The following MAST4 variants were observed in gnomAD, a reference collection of about 807,000 sequenced individuals.
The protein encoded by MAST4 is microtubule associated serine/threonine kinase family member 4.
MAST4 carries 89 observed loss-of-function variants against 162.7 expected under a neutral mutation model. The observed-to-expected ratio is 0.55, with a 90% CI of 0.46 to 0.65. The LOEUF (loss-of-function observed/expected upper bound fraction) is 0.65, where lower values mean the gene tolerates loss of function less well. Ranked by LOEUF, MAST4 falls within the 30% of genes least tolerant of loss-of-function variation. MAST4 has a pLI of 0.00. For missense variants in MAST4, 3,153 were observed against 3,374.0 expected, an observed-to-expected ratio of 0.93 and a Z score of 1.62; for synonymous variants, 1,479 against 1,361.1, an observed-to-expected ratio of 1.09 and a Z score of -1.91.
At chr5:66,801,285 C>A (rs1020855298) in intron 3 of MAST4, among the ~76,000 whole-genome samples, 1 of 152,006 alleles carries the variant, frequency 6.6e-6, no homozygotes, top group African/African-American at 2.4e-5. Flanking sequence ...CGGTTGCCAC[C>A]ATCACCGAGA....
intron 1 of MAST4, among the ~76,000 whole-genome samples, chr5:66,694,419 C>T (rs1234607023): frequency 6.6e-6 from 1 of 152,150 alleles, no homozygotes; most frequent in South Asian, 2.1e-4. Context: ...AGCTACTGTT[C>T]TTTCTCCTTT....
chr5:66,870,230 A>G (rs916638624), intron 3 of MAST4, among the ~76,000 whole-genome samples: 1 of 152,184 alleles, frequency 6.6e-6, no homozygotes, highest in Non-Finnish European at 1.5e-5. Flanking sequence ...ATTTAGGGGC[A>G]TAGTTTTTGG....
chr5:67,026,422 AG>A (rs1191627656), intron 4 of MAST4, among the ~76,000 whole-genome samples: 1 of 152,242 alleles, frequency 6.6e-6, no homozygotes, highest in African/African-American at 2.4e-5. Flanking sequence ...ATTTGGGTAC[AG>A]ACTCACAGCC....
At chr5:66,789,678 T>C in intron 3 of MAST4, 1 of 516,854 alleles carries the variant, frequency 1.9e-6, no homozygotes, top group Non-Finnish European at 3.9e-6. Context: ...TGCCCCTCTC[T>C]GTGATGTTAA....
At chr5:66,892,036 G>A (rs530743661) in intron 3 of MAST4, among the ~76,000 whole-genome samples, 120 of 152,254 alleles carry the variant, frequency 7.9e-4, no homozygotes, top group Non-Finnish European at 8.7e-4. Flanking sequence ...TAGCTCTCTC[G>A]GACAAGGGAG....
At chr5:66,995,159 GA>G (rs1750488098) in intron 4 of MAST4, among the ~76,000 whole-genome samples, 1 of 108,270 alleles carries the variant, frequency 9.2e-6, no homozygotes, top group Non-Finnish European at 2.2e-5. Flanking sequence ...GAGTAGGAAA[GA>G]CTTCTTTTTA....
chr5:67,028,350 T>G lies in MAST4; in HGVS notation c.675-26054T>G, dbSNP rs556453059. Among the ~76,000 whole-genome samples the G allele has an allele frequency of 4.6e-4, 70 of 152,178 alleles. No individual in the cohort carries two copies. In the South Asian group the frequency reaches 0.014, roughly 30 times the overall value. ...TTCCATTAGAGTGGCAAACAGGAAA[T>G]GTACTCTGAGGGTAGGAGGTGCCAC... On this transcript the variant is annotated intron_variant, in intron 4 of 28. Transcript: ENST00000403625.
intron 1 of MAST4, among the ~76,000 whole-genome samples, chr5:66,612,704 T>C (rs1182754910): frequency 1.3e-5 from 2 of 152,206 alleles, no homozygotes; most frequent in African/African-American, 4.8e-5. Flanking sequence ...ACCAACCTGA[T>C]GGATTTATCT....
intron 3 of MAST4, among the ~76,000 whole-genome samples, chr5:66,850,884 T>C (rs1759256532): frequency 6.6e-6 from 1 of 151,762 alleles, no homozygotes; most frequent in Non-Finnish European, 1.5e-5. Flanking sequence ...CTGATTCAAC[T>C]TAAATTGCAC....
chr5:66,921,760 A>C (rs1045797028), intron 4 of MAST4, among the ~76,000 whole-genome samples: 4 of 152,234 alleles, frequency 2.6e-5, no homozygotes, highest in Non-Finnish European at 5.9e-5. Flanking sequence ...CCCATCTCAA[A>C]AGAAAAATAT....
intron 1 of MAST4, among the ~76,000 whole-genome samples, chr5:66,747,035 G>C (rs569918461): frequency 1.9e-4 from 28 of 150,902 alleles, no homozygotes; most frequent in Non-Finnish European, 3.2e-4. Context: ...CTACAGTGTC[G>C]TGCTCTGTCC....
At chr5:66,705,379 T>A (rs1750064950) in intron 1 of MAST4, among the ~76,000 whole-genome samples, 1 of 152,202 alleles carries the variant, frequency 6.6e-6, no homozygotes. Context: ...CAGGTGTGTT[T>A]CTAATCGCTG....
intron 2 of MAST4, among the ~76,000 whole-genome samples, chr5:66,772,554 C>T (rs915638058): frequency 8.5e-5 from 13 of 152,136 alleles, no homozygotes; most frequent in African/African-American, 2.4e-4. Context: ...CAGAGAGTAA[C>T]AGGGTACAAT....
Position 67,167,029 on chromosome 5 carries a change from G to A in MAST4, c.7850G>A (p.Ser2617Asn), listed in dbSNP as rs773935343. 1.0e-5 allele frequency: 16 copies of A among 1,594,328 alleles called. No individual in the cohort carries two copies. Among genetic ancestry groups the A allele is most frequent in the Non-Finnish European group, 1.2e-5 (14 of 1,170,010 alleles). The change falls in exon 29 of 29, where the codon AGC becomes AAC. Residue 2617 changes from serine (S) to asparagine (N), a missense_variant. Transcript: ENST00000403625. ...CGGGGGAAAGAGAGTTTGCGTAGCAGCCCTCACAAAAAGGCCTTGTAACGG... is the reference window on the plus strand; with the variant it reads ...CGGGGGAAAGAGAGTTTGCGTAGCAACCCTCACAAAAAGGCCTTGTAACGG... ...QRRGKESLRS[S>N]PHKKAL is the part of the protein sequence containing the mutation.
In MAST4 at chr5:67,167,920, T is replaced by G. The variant is rs1314568711; in HGVS notation, c.*869T>G. 3.9e-5 allele frequency: 6 copies of G among 152,242 alleles called. No individual in the cohort carries two copies. Among genetic ancestry groups the G allele is most frequent in the Admixed American group, 3.9e-4 (6 of 15,284 alleles). 9.4% of individuals were successfully genotyped at this position (152,242 alleles called of 1,614,324 possible). The stretch of plus-strand genomic sequence containing the variant: ...GACTATAAACACACATCAACTTTCT[T>G]TCTGTTTGCTTTCTTTTCCTTCTTT... On this transcript the variant is annotated 3_prime_UTR_variant, in exon 29 of 29. Coordinates refer to ENST00000403625, the MANE Select transcript of MAST4 (RefSeq NM_001164664.2).
intron 4 of MAST4, among the ~76,000 whole-genome samples, chr5:67,010,492 T>TA (rs914914709): frequency 1.3e-5 from 2 of 152,072 alleles, no homozygotes; most frequent in African/African-American, 4.8e-5. Flanking sequence ...AAGAGCCCCC[T>TA]AGGCAGGCAG....
intron 1 of MAST4, among the ~76,000 whole-genome samples, chr5:66,727,176 A>G (rs1429878414): frequency 6.6e-6 from 1 of 152,190 alleles, no homozygotes; most frequent in Non-Finnish European, 1.5e-5. Context: ...AAATACATTT[A>G]TATCACAACC....
intron 23 of MAST4, among the ~76,000 whole-genome samples, chr5:67,147,208 G>A (rs1446237171): frequency 6.6e-6 from 1 of 151,920 alleles, no homozygotes. Context: ...AATAATCAAA[G>A]GCCTTGGGGG....
chr5:66,693,115 AAT>A (rs1749157685), intron 1 of MAST4, among the ~76,000 whole-genome samples: 1 of 151,908 alleles, frequency 6.6e-6, no homozygotes, highest in African/African-American at 2.4e-5. Context: ...TGCTCTATTT[AAT>A]ATGTTATTGG....
Sources: gnomAD v4.1 joint callset for allele counts (sites outside exome capture counted in the v4.1 genomes callset) on GRCh38, gnomAD v4.1.1 for gene constraint, MANE v1.5 for transcripts, NCBI Gene and HGNC (gene_info 2026-07-23, HGNC 2026-07-21) for gene names.